MESD: variants seen among roughly 807,000 people sequenced by gnomAD.
MESD encodes LRP chaperone MESD.
A neutral mutation model predicts 12.9 loss-of-function variants in MESD; 7 were observed. That is an observed-to-expected ratio of 0.54 (90% confidence interval 0.31 to 1.02). The LOEUF is 1.02. Among genes scored for constraint, MESD ranks in the 50% least tolerant of loss-of-function variants. The pLI, the probability that MESD is intolerant of heterozygous loss-of-function variation, is 0.05. For missense variants in MESD, 342 were observed against 296.7 expected (o/e 1.15, Z -1.12); for synonymous variants, 126 against 115.6 (o/e 1.09, Z -0.58).
At chr15:80,983,184 A>G (rs995653064) in intron 1 of MESD, among the ~76,000 whole-genome samples, 1 of 152,156 alleles carries the variant, frequency 6.6e-6, no homozygotes, top group Non-Finnish European at 1.5e-5. Context: ...TCAGGGCTGC[A>G]GTAAGCTATA....
downstream of MESD, among the ~76,000 whole-genome samples, chr15:80,972,491 G>C (rs950336515): frequency 6.6e-6 from 1 of 152,182 alleles, no homozygotes; most frequent in Non-Finnish European, 1.5e-5. Context: ...GCAGGGCAGG[G>C]CTGTGCATGT....
chr15:80,974,253 C>A (rs1902356326), downstream of MESD, among the ~76,000 whole-genome samples: 1 of 152,186 alleles, frequency 6.6e-6, no homozygotes, highest in Non-Finnish European at 1.5e-5. Context: ...GCAGACAACG[C>A]TCAGATACGG....
In MESD at chr15:80,979,302, C is replaced by T. The variant is rs1271618365; in HGVS notation, c.622G>A (p.Gly208Ser). 6.2e-7 allele frequency: 1 copy of T among 1,611,638 alleles called. No individual in the cohort carries two copies. Residue 208 changes from glycine (G) to serine (S), a missense_variant, in exon 3 of 3, where the codon GGC becomes AGC. Transcript: ENST00000261758. The part of the protein sequence containing the change: ...KEKNKTKQDK[G>S]KKKKEGDLKS... ...AGATCTCCTTCCTTCTTTTTTTTGC[C>T]CTTGTCTTGCTTTGTTTTATTTTTC...
chr15:80,949,084 G>A lies in MESD; in HGVS notation c.*627-186C>T, dbSNP rs1305139863. Reference sequence around the variant, plus strand: ...CCAAGGGAAGGCTATCAGAGACCCTGGTGCTGCCACCTGCCCCTACTCAAG... The same window carrying A: ...CCAAGGGAAGGCTATCAGAGACCCTAGTGCTGCCACCTGCCCCTACTCAAG... On this transcript the variant is annotated intron_variant, in intron 4 of 4. Transcript: ENST00000561312. The A allele has an allele frequency of 1.8e-5, 17 of 941,132 alleles. No homozygotes were observed. The South Asian group carries it at 2.0e-4, about 11-fold the overall frequency. The allele number at this position is 941,132 out of a possible 1,614,324, so 58.3% of individuals were successfully genotyped here.
At chr15:80,951,702 A>G (rs1414939695) in intron 4 of MESD, 1 of 153,126 alleles carries the variant, frequency 6.5e-6, no homozygotes, top group African/African-American at 2.4e-5. Flanking sequence ...GGGTGTACCT[A>G]GAGCCAAGGA....
chr15:80,952,642 GTCTC>G (rs943203656), intron 3 of MESD, among the ~76,000 whole-genome samples: 6 of 151,836 alleles, frequency 4.0e-5, no homozygotes, highest in East Asian at 1.9e-4. Flanking sequence ...GTGTGTGTAT[GTCTC>G]TCTGTCTGTC....
At chr15:80,952,061 G>A (rs780850514) in exon 4 of MESD, 12 of 397,114 alleles carry the variant, frequency 3.0e-5, no homozygotes, top group African/African-American at 1.2e-4. Context: ...AACTTGCTGC[G>A]TCCTCCACAT....
At chr15:80,972,307 AACAC>A (rs974611087), downstream of MESD, among the ~76,000 whole-genome samples, 3 of 152,176 alleles carry the variant, frequency 2.0e-5, no homozygotes, top group South Asian at 4.1e-4. Context: ...AAACTTAACT[AACAC>A]ACACATTCTT....
At chr15:80,971,669 C>A (rs1902291149), downstream of MESD, among the ~76,000 whole-genome samples, 1 of 152,124 alleles carries the variant, frequency 6.6e-6, no homozygotes, top group Non-Finnish European at 1.5e-5. Context: ...CTCTGTCCCC[C>A]AGGCTGGAGT....
chr15:80,954,724 G>A (rs892970417), intron 3 of MESD, among the ~76,000 whole-genome samples: 3 of 152,230 alleles, frequency 2.0e-5, no homozygotes, highest in Non-Finnish European at 4.4e-5. Context: ...ACTCAGCTTT[G>A]AAAGCTATAA....
chr15:80,949,289 G>A (rs1901715802), intron 4 of MESD: 1 of 368,166 alleles, frequency 2.7e-6, no homozygotes, highest in African/African-American at 2.1e-5. Flanking sequence ...GACCCAGCTA[G>A]GAGGTAGTCT....
chr15:80,968,898 G>C (rs758916998), intron 3 of MESD, among the ~76,000 whole-genome samples: 1 of 151,474 alleles, frequency 6.6e-6, no homozygotes, highest in Non-Finnish European at 1.5e-5. Context: ...GGTTGTGAAG[G>C]GTAAATGAGG....
chr15:80,949,147 C>T, intron 4 of MESD: 1 of 608,132 alleles, frequency 1.6e-6, no homozygotes, highest in Non-Finnish European at 2.9e-6. Context: ...CTGGCCAATG[C>T]TGGAAACATT....
At chr15:80,960,115 G>A (rs1026751563) in intron 3 of MESD, among the ~76,000 whole-genome samples, 2 of 152,180 alleles carry the variant, frequency 1.3e-5, no homozygotes, top group Non-Finnish European at 2.9e-5. Context: ...TGTAATCCCA[G>A]CACTTTGGGA....
chr15:80,952,617 C>CGTGTGT (rs113669846), intron 3 of MESD, among the ~76,000 whole-genome samples: 3,508 of 149,278 alleles, frequency 0.023, 131 homozygotes, highest in African/African-American at 0.08. Context: ...AACTATGTCT[C>CGTGTGT]GTGTGTGTGT....
At chr15:80,979,899 GA>G (rs1243766833) in intron 2 of MESD, among the ~76,000 whole-genome samples, 1 of 152,180 alleles carries the variant, frequency 6.6e-6, no homozygotes, top group Non-Finnish European at 1.5e-5. Flanking sequence ...GATAAAGGTG[GA>G]AAACCAATGG....
intron 3 of MESD, among the ~76,000 whole-genome samples, chr15:80,955,543 T>A (rs1332559015): frequency 6.7e-6 from 1 of 148,318 alleles, no homozygotes; most frequent in Admixed American, 6.7e-5. Context: ...ATCAGCTGAA[T>A]CAGAATCTGC....
downstream of MESD, chr15:80,947,078 A>G: frequency 6.3e-7 from 1 of 1,580,094 alleles, no homozygotes; most frequent in Non-Finnish European, 8.7e-7. Context: ...AAGGGTTTGA[A>G]CTGGGGTTTA....
At chr15:80,954,673 A>G (rs1363278286) in intron 3 of MESD, among the ~76,000 whole-genome samples, 1 of 152,204 alleles carries the variant, frequency 6.6e-6, no homozygotes. Flanking sequence ...TCCCTCACAG[A>G]AAACAATCAG....
Sources: allele counts gnomAD v4.1 joint callset (sites outside exome capture counted in the v4.1 genomes callset), GRCh38; gene constraint gnomAD v4.1.1; transcripts MANE v1.5; gene names NCBI Gene and HGNC (gene_info 2026-07-23, HGNC 2026-07-21).